The following DTYMK variants were observed in gnomAD, a reference collection of about 807,000 sequenced individuals.
DTYMK encodes the protein thymidylate kinase.
DTYMK carries 20 observed loss-of-function variants against 20.3 expected under a neutral mutation model. That is an observed-to-expected ratio of 0.99 (90% CI 0.69 to 1.43). The LOEUF (loss-of-function observed/expected upper bound fraction) is 1.43, where lower values mean the gene tolerates loss of function less well. Ranked by LOEUF, DTYMK falls within the 40% of genes most tolerant of loss-of-function variation. The pLI, the probability that DTYMK is intolerant of heterozygous loss-of-function variation, is 0.00. For synonymous variants in DTYMK, 148 were observed against 124.4 expected (o/e 1.19, Z -1.27); for missense variants, 320 against 291.1 (o/e 1.10, Z -0.72).
Position 241,685,822 on chromosome 2 carries a change from G to A in DTYMK, c.186C>T (p.Asp62=), listed in dbSNP as rs2069378980. Reference sequence around the variant, plus strand: ...GCAGGTGCACCGAGTGATCCTCCACGTCACTTTTCTTTTGCAAGTAGGAAC... The same window carrying A: ...GCAGGTGCACCGAGTGATCCTCCACATCACTTTTCTTTTGCAAGTAGGAAC... The part of the protein sequence containing the change: ...LLSSYLQKKS[D]VEDHSVHLLF... Residue 62 remains aspartate (D), a synonymous_variant, in exon 2 of 5, where the codon GAC becomes GAT. Coordinates refer to ENST00000305784, the MANE Select transcript of DTYMK (RefSeq NM_012145.4). 1.2e-6 allele frequency: 2 copies of A among 1,614,134 alleles called. No individual in the cohort carries two copies. Among genetic ancestry groups the A allele is most frequent in the Admixed American group, 1.7e-5 (1 of 60,016 alleles).
At chr2:241,683,859 ACCAC>A (rs1332235681) in intron 2 of DTYMK, among the ~76,000 whole-genome samples, 2 of 152,146 alleles carry the variant, frequency 1.3e-5, no homozygotes, top group African/African-American at 4.8e-5. Flanking sequence ...GGAGTTCAAG[ACCAC>A]CCTGGCCAAC....
At chr2:241,676,761 C>A (rs977710737) in intron 4 of DTYMK, among the ~76,000 whole-genome samples, 2 of 152,276 alleles carry the variant, frequency 1.3e-5, no homozygotes, top group Non-Finnish European at 2.9e-5. Flanking sequence ...GCCCACAGCA[C>A]AGCCAGACCC....
chr2:241,680,184 TC>T (rs1372516153), intron 3 of DTYMK, 44 bp downstream of exon 3: 1 of 1,599,810 alleles, frequency 6.3e-7, no homozygotes, highest in Non-Finnish European at 8.6e-7. Context: ...CAGTCCTGGG[TC>T]CACACATCTG....
Position 241,678,600 on chromosome 2 carries a change from G to A in DTYMK, c.380C>T (p.Pro127Leu), listed in dbSNP as rs376261461. 1 of 1,614,070 alleles carries A rather than the reference G, an allele frequency of 6.2e-7. No homozygotes were observed. The highest frequency in any genetic ancestry group is 1.3e-5 in the African/African-American group (1 of 74,932). Reference sequence around the variant, plus strand: ...TAACTGGAGGAACAGGACCAGGTCGGGTTTGGGAAGGCCCACGTCTGGCTG... The same window carrying A: ...TAACTGGAGGAACAGGACCAGGTCGAGTTTGGGAAGGCCCACGTCTGGCTG... ...CKQPDVGLPK[P>L]DLVLFLQLQL... The change falls in exon 4 of 5, where the codon CCC becomes CTC. Residue 127 changes from proline to leucine, a missense_variant. Coordinates refer to ENST00000305784, the MANE Select transcript of DTYMK (RefSeq NM_012145.4).
At position 241,676,191 on chromosome 2, in the gene DTYMK, C is replaced by T. The variant is rs2069112081; in HGVS notation, c.575G>A (p.Arg192His). 8 of 1,613,150 alleles carry T rather than the reference C, an allele frequency of 5.0e-6. No homozygotes were observed. Among genetic ancestry groups the T allele is most frequent in the Middle Eastern group, 1.7e-4 (1 of 5,992 alleles). The change falls in exon 5 of 5, where the codon CGC becomes CAC. Residue 192 changes from arginine (R) to histidine (H), a missense_variant. Transcript: ENST00000305784. ...GCGGATGGCGTCCTCAGAGAGCACG[C>T]GGATGTCCTCATGGACAGCTTCGAT... Reference protein sequence around the residue: ...KSIEAVHEDIRVLSEDAIRTA... With the variant: ...KSIEAVHEDIHVLSEDAIRTA...
rs1202158042 is a variant in DTYMK, at chr2:241,682,827, G to A, written c.240-2508C>T. The stretch of plus-strand genomic sequence containing the variant: ...TGATCACAGCTACTTGAGAGGCTGA[G>A]GCAGGAGAATCGCTTGAACCTGCGA... On this transcript the variant is annotated intron_variant, in intron 2 of 4. Coordinates refer to ENST00000305784, the MANE Select transcript of DTYMK (RefSeq NM_012145.4). 3 of 177,852 alleles carry A rather than the reference G, an allele frequency of 1.7e-5. No individual in the cohort carries two copies. The East Asian group carries it at 5.7e-4, about 34-fold the overall frequency. 11.0% of individuals were successfully genotyped at this position (177,852 alleles called of 1,614,324 possible).
chr2:241,683,684 T>G (rs1014985463), intron 2 of DTYMK, among the ~76,000 whole-genome samples: 2 of 152,136 alleles, frequency 1.3e-5, no homozygotes. Context: ...TGCCAAAACT[T>G]GGAAGCAACA....
chr2:241,680,165 A>G (rs562388894), intron 3 of DTYMK, 64 bp downstream of exon 3: 2 of 1,515,196 alleles, frequency 1.3e-6, no homozygotes, highest in Middle Eastern at 1.7e-4. Flanking sequence ...TCGTACTCGC[A>G]TTCAAGGGCA....
chr2:241,685,426 G>C (rs187813153), intron 2 of DTYMK: 26 of 178,492 alleles, frequency 1.5e-4, no homozygotes, highest in African/African-American at 5.7e-4. Context: ...CCAGCTACTC[G>C]GGAGGCTGAC....
At chr2:241,676,303 C>T in intron 4 of DTYMK, 66 bp from the exon 5 acceptor site, 4 of 1,459,466 alleles carry the variant, frequency 2.7e-6, no homozygotes, top group Non-Finnish European at 2.8e-6. Context: ...GTCACGGGAG[C>T]CCACGCCTGT....
Position 241,675,834 on chromosome 2 carries a change from CAG to C in DTYMK, c.*291_*292del, listed in dbSNP as rs2069098493. 3 of 273,488 alleles carry C rather than the reference CAG, an allele frequency of 1.1e-5. No homozygotes were observed. The highest frequency in any genetic ancestry group is 2.2e-5 in the African/African-American group (1 of 45,034). 16.9% of individuals were successfully genotyped at this position (273,488 alleles called of 1,614,324 possible). The stretch of plus-strand genomic sequence containing the variant: ...TTACAGTGATCACAATGAAACTGCT[CAG>C]AGTTATCACTGAACTTCAGTAAGAA... On this transcript the variant is annotated 3_prime_UTR_variant, in exon 5 of 5. Transcript: ENST00000305784.
chr2:241,685,727 A>G (rs1165586289), intron 2 of DTYMK, 42 bp downstream of exon 2: 2 of 1,581,404 alleles, frequency 1.3e-6, no homozygotes, highest in Non-Finnish European at 1.7e-6. Flanking sequence ...AGGAGGAAGG[A>G]AAGTGGCAAG....
chr2:241,684,746 CCTA>C, intron 2 of DTYMK: 5 of 465,726 alleles, frequency 1.1e-5, no homozygotes, highest in African/African-American at 2.0e-5. Context: ...GAAGAGGAAA[CCTA>C]CTACAATGAT....
chr2:241,676,185 A>G lies in DTYMK; in HGVS notation c.581T>C (p.Leu194Pro). 2.5e-6 allele frequency: 4 copies of G among 1,613,188 alleles called. No individual in the cohort carries two copies. The highest frequency in any genetic ancestry group is 2.5e-6 in the Non-Finnish European group (3 of 1,179,734). ...IEAVHEDIRV[L>P]SEDAIRTATE... is the part of the protein sequence containing the mutation. ...GGCAGTGCGGATGGCGTCCTCAGAG[A>G]GCACGCGGATGTCCTCATGGACAGC... Residue 194 changes from leucine (L) to proline (P), a missense_variant, in exon 5 of 5, where the codon CTC (leucine) becomes CCC (proline). Leu to Pro is a moderately conservative substitution (Grantham distance 98, BLOSUM62 -3). Transcript: ENST00000305784.
chr2:241,682,358 G>T, intron 2 of DTYMK: 1 of 373,934 alleles, frequency 2.7e-6, no homozygotes. Flanking sequence ...GAGAGAAAGA[G>T]AGTGAGAAAA....
Position 241,676,135 on chromosome 2 carries a change from A to T in DTYMK, c.631T>A (p.Trp211Arg). The T allele has an allele frequency of 4.3e-6, 7 of 1,611,312 alleles. No individual in the cohort carries two copies. Among genetic ancestry groups the T allele is most frequent in the Non-Finnish European group, 5.9e-6 (7 of 1,178,746 alleles). ...CAGTGGGCAGCCTTGGGTCACTTCCATAGCTCCCCCAGCGGCTTCTCTGTG... is the reference window on the plus strand; with the variant it reads ...CAGTGGGCAGCCTTGGGTCACTTCCTTAGCTCCCCCAGCGGCTTCTCTGTG... ...TATEKPLGEL[W>R]K is the part of the protein sequence containing the mutation. Residue 211 changes from tryptophan (W) to arginine (R), a missense_variant, in exon 5 of 5, where the codon TGG becomes AGG. Physicochemically the swap from Trp to Arg is moderately radical, Grantham distance 101. Transcript: ENST00000305784.
intron 2 of DTYMK, among the ~76,000 whole-genome samples, chr2:241,683,355 C>G (rs543081197): frequency 6.6e-6 from 1 of 152,320 alleles, no homozygotes; most frequent in African/African-American, 2.4e-5. Flanking sequence ...CAGTTCACCA[C>G]AAGCTTGTCC....
At chr2:241,680,490 C>CAT (rs1311866614) in intron 2 of DTYMK, among the ~76,000 whole-genome samples, 171 bp from the exon 3 acceptor site, 7 of 152,122 alleles carry the variant, frequency 4.6e-5, no homozygotes, top group African/African-American at 1.7e-4. Flanking sequence ...TCCTGGCTAA[C>CAT]ATGGTGAAAC....
chr2:241,685,920 C>A, intron 1 of DTYMK, 43 bp from the exon 2 acceptor site: 1 of 1,586,532 alleles, frequency 6.3e-7, no homozygotes, highest in East Asian at 2.2e-5. Flanking sequence ...TGAGATCAGG[C>A]TTTCCCTCTA....
Sources: gnomAD v4.1 joint callset for allele counts (sites outside exome capture counted in the v4.1 genomes callset) on GRCh38, gnomAD v4.1.1 for gene constraint, MANE v1.5 for transcripts, NCBI Gene and HGNC (gene_info 2026-07-23, HGNC 2026-07-21) for gene names.